CORO2B: variants seen among roughly 807,000 people sequenced by gnomAD.
The protein encoded by CORO2B is coronin-2B.
In CORO2B, 26 loss-of-function variants were observed where a neutral mutation model predicts 58.8. The observed-to-expected ratio is 0.44, with a 90% CI of 0.32 to 0.61. The LOEUF is 0.61. Among genes scored for constraint, CORO2B ranks in the 20% least tolerant of loss-of-function variants. The pLI is 0.04. For missense variants in CORO2B, 460 were observed against 645.1 expected (o/e 0.71, Z 3.11); for synonymous variants, 242 against 253.8 (o/e 0.95, Z 0.44).
chr15:68,598,542 C>T (rs77423179), intron 1 of CORO2B, among the ~76,000 whole-genome samples: 25 of 152,226 alleles, frequency 1.6e-4, no homozygotes, highest in African/African-American at 6.0e-4. Flanking sequence ...GGAGTTCACA[C>T]CCTAGACTAG....
At chr15:68,544,803 C>A in the CORO2B span, among the ~76,000 whole-genome samples, 4,570 of 147,988 alleles carry the variant, frequency 0.031, 256 homozygotes, top group African/African-American at 0.11. Context: ...TTGAGATGGA[C>A]TCTCGCTCTG....
chr15:68,555,855 G>C, the CORO2B span, among the ~76,000 whole-genome samples: 1 of 152,136 alleles, frequency 6.6e-6, no homozygotes, highest in Admixed American at 6.5e-5. Context: ...GAGGGTCCGT[G>C]CTGAGCGCCA....
chr15:68,526,184 T>A, the CORO2B span, among the ~76,000 whole-genome samples: 9 of 152,318 alleles, frequency 5.9e-5, no homozygotes, highest in African/African-American at 2.2e-4. Context: ...TGCATGTACA[T>A]TTTGGTTGGT....
intron 11 of CORO2B, 101 bp from the exon 12 acceptor site, chr15:68,725,742 G>A: frequency 6.7e-7 from 1 of 1,498,548 alleles, no homozygotes; most frequent in Non-Finnish European, 9.1e-7. Flanking sequence ...GGGGGAATGT[G>A]AGGGCACGGG....
intron 1 of CORO2B, among the ~76,000 whole-genome samples, chr15:68,600,257 C>G (rs1206355692): frequency 6.6e-6 from 1 of 152,230 alleles, no homozygotes; most frequent in African/African-American, 2.4e-5. Flanking sequence ...AAATTGCACT[C>G]CTCCGTGGAG....
rs571445380 is a variant in CORO2B at position 68,623,658 on chromosome 15, G to C, written c.16-21502G>C. Among the ~76,000 whole-genome samples, 6 of 152,264 alleles carry C rather than the reference G, an allele frequency of 3.9e-5. No individual in the cohort carries two copies. The East Asian group carries it at 1.2e-3, about 29-fold the overall frequency. On this transcript the variant is annotated intron_variant, in intron 1 of 11. Transcript: ENST00000261861. The stretch of plus-strand genomic sequence containing the variant: ...GTTCCTTTGCTCCAGAAATCCTGTT[G>C]GGCGTCTCCATCCCAGCATCCAGGA...
intron 2 of CORO2B, among the ~76,000 whole-genome samples, chr15:68,653,532 G>C (rs1901708072): frequency 6.6e-6 from 1 of 152,130 alleles, no homozygotes; most frequent in Non-Finnish European, 1.5e-5. Context: ...TAGGGAGAAT[G>C]CAGCACCATA....
At chr15:68,633,931 C>G (rs1447145594) in intron 1 of CORO2B, among the ~76,000 whole-genome samples, 1 of 152,260 alleles carries the variant, frequency 6.6e-6, no homozygotes, top group Non-Finnish European at 1.5e-5. Flanking sequence ...GGAGCAACGT[C>G]TTGGTCTGTG....
chr15:68,645,007 T>C lies in CORO2B; in HGVS notation c.16-153T>C, dbSNP rs550269811. Among the ~76,000 whole-genome samples the C allele has an allele frequency of 3.3e-4, 51 of 152,274 alleles. No homozygotes were observed. Among genetic ancestry groups the C allele is most frequent in the African/African-American group, 1.2e-3 (51 of 41,566 alleles). On this transcript the variant is annotated intron_variant, in intron 1 of 11. Transcript: ENST00000261861. The surrounding 1 kb of genome is among the most constrained non-coding windows in gnomAD (Gnocchi z 4.5). ...TATGAGTGTGCCCTGAATTCTTGGA[T>C]GCTTCTTCCTTTCCATCTCTTCCTG...
chr15:68,632,551 G>A (rs545487973), intron 1 of CORO2B, among the ~76,000 whole-genome samples: 12 of 152,210 alleles, frequency 7.9e-5, no homozygotes, highest in Admixed American at 6.5e-4. Context: ...TTAACAGTCC[G>A]AACTCTCCCT....
chr15:68,587,745 G>A (rs1028893909), intron 1 of CORO2B, among the ~76,000 whole-genome samples: 3 of 152,216 alleles, frequency 2.0e-5, no homozygotes, highest in African/African-American at 7.2e-5. Context: ...TATGAAGTCT[G>A]TGCTATTATT....
chr15:68,563,825 G>A, the CORO2B span, among the ~76,000 whole-genome samples: 1 of 152,098 alleles, frequency 6.6e-6, no homozygotes, highest in Non-Finnish European at 1.5e-5. Context: ...CGAAGAAACA[G>A]GAAACCTAAA....
intron 1 of CORO2B, among the ~76,000 whole-genome samples, chr15:68,633,543 A>ACACACACACACACACACACT (rs1035888776): frequency 1.3e-5 from 2 of 151,396 alleles, no homozygotes; most frequent in African/African-American, 4.9e-5. Context: ...ACACACACAC[A>ACACACACACACACACACACT]CACTCACTCC....
chr15:68,549,332 G>A, the CORO2B span, among the ~76,000 whole-genome samples: 1,525 of 152,096 alleles, frequency 0.01, 26 homozygotes, highest in African/African-American at 0.034. Flanking sequence ...CCTCCTTCCT[G>A]GAGTTTACAC....
At chr15:68,625,571 A>C (rs1044189441) in intron 1 of CORO2B, among the ~76,000 whole-genome samples, 4 of 151,206 alleles carry the variant, frequency 2.6e-5, no homozygotes, top group Non-Finnish European at 5.9e-5. Context: ...CTGCTTGTGC[A>C]CTCCGTTACA....
chr15:68,606,662 G>A (rs1467553196), intron 1 of CORO2B, among the ~76,000 whole-genome samples: 4 of 152,204 alleles, frequency 2.6e-5, no homozygotes, highest in East Asian at 3.9e-4. Context: ...AACATTGAAA[G>A]GATGAGGATA....
At chr15:68,617,068 G>T (rs76341537) in intron 1 of CORO2B, among the ~76,000 whole-genome samples, 4,112 of 152,296 alleles carry the variant, frequency 0.027, 80 homozygotes, top group South Asian at 0.053. Flanking sequence ...AGGGCTCTGA[G>T]GGGTCAAAAA....
chr15:68,581,747 G>A (rs2072844385), intron 1 of CORO2B, among the ~76,000 whole-genome samples: 1 of 152,214 alleles, frequency 6.6e-6, no homozygotes, highest in Admixed American at 6.5e-5. Context: ...CCTAAAGAGG[G>A]TGTGAGAGGT....
At chr15:68,721,675 T>C (rs976100263) in intron 11 of CORO2B, among the ~76,000 whole-genome samples, 3 of 152,132 alleles carry the variant, frequency 2.0e-5, no homozygotes, top group Admixed American at 6.6e-5. Flanking sequence ...TGGGGGTTCA[T>C]GGTGCTATAC....
Sources: allele counts gnomAD v4.1 joint callset (sites outside exome capture counted in the v4.1 genomes callset), GRCh38; gene constraint gnomAD v4.1.1; non-coding constraint Gnocchi (gnomAD v3.1); transcripts MANE v1.5; gene names NCBI Gene and HGNC (gene_info 2026-07-23, HGNC 2026-07-21).